The following NTRK2 variants were observed in gnomAD, a reference collection of about 807,000 sequenced individuals.
The protein encoded by NTRK2 is neurotrophic receptor tyrosine kinase 2, also known as BDNF/NT-3 growth factors receptor.
A neutral mutation model predicts 94.5 loss-of-function variants in NTRK2; 13 were observed. The observed-to-expected ratio is 0.14, with a 90% CI of 0.09 to 0.22. The LOEUF is 0.22. Among genes scored for constraint, NTRK2 ranks in the 10% least tolerant of loss-of-function variants. The pLI is 1.00. For missense variants in NTRK2, 639 were observed against 1,071.2 expected (o/e 0.60, Z 5.63); for synonymous variants, 372 against 407.4 (o/e 0.91, Z 1.05).
intron 12 of NTRK2, among the ~76,000 whole-genome samples, chr9:84,804,840 T>C (rs1489910275): frequency 6.6e-6 from 1 of 152,226 alleles, no homozygotes; most frequent in Non-Finnish European, 1.5e-5. Context: ...TTTCAATATA[T>C]GTTTATTGAA....
intron 9 of NTRK2, among the ~76,000 whole-genome samples, chr9:84,730,764 AAGAAAAATAAACAAATAGC>A (rs2062809931): frequency 1.9e-5 from 2 of 106,918 alleles, no homozygotes; most frequent in Non-Finnish European, 3.8e-5. Flanking sequence ...AAAAAAACTA[AAGAAAAATAAACAAATAGC>A]AAAAAAAAAA....
chr9:84,911,037 G>C (rs1464097253), intron 14 of NTRK2, among the ~76,000 whole-genome samples: 1 of 152,088 alleles, frequency 6.6e-6, no homozygotes, highest in Non-Finnish European at 1.5e-5. Context: ...AACATAGTAT[G>C]TTTCTTATTT....
intron 14 of NTRK2, among the ~76,000 whole-genome samples, chr9:84,926,164 T>TG (rs2077785364): frequency 2.2e-3 from 153 of 68,090 alleles, no homozygotes; most frequent in African/African-American, 6.8e-3. Context: ...CTTCCTTCCT[T>TG]CCTTCCTTTC....
At chr9:84,704,050 A>T (rs1048703546) in intron 4 of NTRK2, among the ~76,000 whole-genome samples, 17 of 152,174 alleles carry the variant, frequency 1.1e-4, no homozygotes, top group African/African-American at 4.1e-4. Context: ...TTATCACATC[A>T]CTTCTCCTAA....
chr9:84,758,484 C>T (rs1048942487), intron 12 of NTRK2, among the ~76,000 whole-genome samples: 2 of 152,072 alleles, frequency 1.3e-5, no homozygotes, highest in African/African-American at 4.8e-5. Context: ...CTCTGCCGCC[C>T]AGCTTCAAGT....
At chr9:84,871,333 T>G (rs182412566) in intron 14 of NTRK2, among the ~76,000 whole-genome samples, 79 of 152,304 alleles carry the variant, frequency 5.2e-4, no homozygotes, top group African/African-American at 1.8e-3. Flanking sequence ...AACAGGTGTT[T>G]ATTATTTTAT....
At chr9:84,949,610 G>A (rs2078712126) in intron 16 of NTRK2, among the ~76,000 whole-genome samples, 1 of 152,162 alleles carries the variant, frequency 6.6e-6, no homozygotes, top group Admixed American at 6.5e-5. Flanking sequence ...TGGGATAACA[G>A]GCATGTGCCA....
intron 12 of NTRK2, among the ~76,000 whole-genome samples, chr9:84,762,133 G>A (rs1295474655): frequency 6.6e-5 from 10 of 152,144 alleles, no homozygotes; most frequent in Non-Finnish European, 1.5e-4. Flanking sequence ...TGAGACCTCA[G>A]CCCTGTGCAA....
At chr9:84,883,070 T>C (rs995641364) in intron 14 of NTRK2, among the ~76,000 whole-genome samples, 9 of 152,182 alleles carry the variant, frequency 5.9e-5, no homozygotes, top group Non-Finnish European at 1.3e-4. Flanking sequence ...CCTGGCCTGC[T>C]AGAAACACTT....
At chr9:84,917,989 G>A (rs956153154) in intron 14 of NTRK2, among the ~76,000 whole-genome samples, 3 of 152,158 alleles carry the variant, frequency 2.0e-5, no homozygotes, top group Non-Finnish European at 4.4e-5. Context: ...CCCACACACC[G>A]AAATCAAGAG....
At chr9:84,945,833 A>G (rs2132852784) in intron 15 of NTRK2, among the ~76,000 whole-genome samples, 1 of 152,334 alleles carries the variant, frequency 6.6e-6, no homozygotes, top group African/African-American at 2.4e-5. Flanking sequence ...TTTTCCAAAC[A>G]GAGCTGGTGG....
chr9:84,741,847 T>C (rs772979736), intron 9 of NTRK2, 45 bp from the exon 10 acceptor site: 2 of 1,580,330 alleles, frequency 1.3e-6, no homozygotes, highest in African/African-American at 2.7e-5. Flanking sequence ...ATTTTTTGAC[T>C]CCAAAATGCA....
intron 17 of NTRK2, among the ~76,000 whole-genome samples, chr9:84,976,197 A>G (rs4329345): frequency 0.72 from 109,862 of 152,114 alleles, 40,199 homozygotes; most frequent in African/African-American, 0.79. Context: ...CCTGGAGGCT[A>G]GAAGTCTGAG....
chr9:84,775,527 T>C (rs984917044), intron 12 of NTRK2, among the ~76,000 whole-genome samples: 1 of 152,190 alleles, frequency 6.6e-6, no homozygotes, highest in African/African-American at 2.4e-5. Flanking sequence ...AGGACGGGCT[T>C]CTCCTGCATA....
At position 84,724,375 on chromosome 9, in the gene NTRK2, A is replaced by T. The variant is rs564452015; in HGVS notation, c.853+19A>T. On this transcript the variant is annotated intron_variant, in intron 8 of 18. Transcript: ENST00000277120. ...GTGCATTGTACGTAATCAGACTGGC[A>T]TGTGTTTTTAATAGCAAATGATCAT... is the stretch of plus-strand genomic sequence containing the variant. 1 of 1,614,086 alleles carries T rather than the reference A, an allele frequency of 6.2e-7. No individual in the cohort carries two copies. Among genetic ancestry groups the T allele is most frequent in the East Asian group, 2.2e-5 (1 of 44,876 alleles).
Position 84,869,533 on chromosome 9 carries a change from C to G in NTRK2, c.1633+2102C>G, listed in dbSNP as rs141540784. ...GATTTACTTCTTTCCTTCCCTTCAC[C>G]CTTTTGTAAATGTCATTTTTTATCT... On this transcript the variant is annotated intron_variant, in intron 14 of 18. Transcript: ENST00000277120. Among the ~76,000 whole-genome samples, 473 of 152,184 alleles carry G rather than the reference C, an allele frequency of 3.1e-3. 3 individuals are homozygous for G. The highest frequency in any genetic ancestry group is 0.011 in the African/African-American group (453 of 41,512).
In NTRK2 at chr9:85,020,373, T is replaced by G. The variant is rs761169226; in HGVS notation, c.2331+9T>G. On this transcript the variant is annotated intron_variant, in intron 18 of 18. Transcript: ENST00000277120. Reference sequence around the variant, plus strand: ...AGCTGTCAAACAATGAGGTGTGCAATGGGTCTGGCCAAGACCCTCCAGAGG... The same window carrying G: ...AGCTGTCAAACAATGAGGTGTGCAAGGGGTCTGGCCAAGACCCTCCAGAGG... 6.2e-7 allele frequency: 1 copy of G among 1,614,122 alleles called. No homozygotes were observed. The highest frequency in any genetic ancestry group is 8.5e-7 in the Non-Finnish European group (1 of 1,179,992).
At chr9:84,739,749 A>G (rs576251756) in intron 9 of NTRK2, among the ~76,000 whole-genome samples, 3 of 152,286 alleles carry the variant, frequency 2.0e-5, no homozygotes, top group East Asian at 3.9e-4. Context: ...AACTAGAAAA[A>G]GCCCTCAGTC....
At chr9:84,701,955 G>C (rs904329407) in intron 2 of NTRK2, among the ~76,000 whole-genome samples, 1 of 152,192 alleles carries the variant, frequency 6.6e-6, no homozygotes, top group Admixed American at 6.5e-5. Context: ...CCAGTGCAAG[G>C]GTTATTGACC....
Sources: allele counts gnomAD v4.1 joint callset (sites outside exome capture counted in the v4.1 genomes callset), GRCh38; gene constraint gnomAD v4.1.1; transcripts MANE v1.5; gene names NCBI Gene and HGNC (gene_info 2026-07-23, HGNC 2026-07-21).